CPNE8: variants seen among roughly 807,000 people sequenced by gnomAD.
CPNE8 encodes the protein copine-8.
Under a neutral mutation model 81.5 loss-of-function variants are expected in CPNE8, and 45 were observed. The ratio of observed to expected loss-of-function variants is 0.55; its 90% CI spans 0.44 to 0.71. The LOEUF is 0.71. CPNE8 is among the 30% of genes least tolerant of loss of function. The pLI is 0.00. For synonymous variants in CPNE8, 252 were observed against 226.3 expected (o/e 1.11, Z -1.02); for missense variants, 594 against 672.1 (o/e 0.88, Z 1.28).
chr12:38,877,057 G>A (rs1389434516), intron 1 of CPNE8, among the ~76,000 whole-genome samples: 3 of 152,182 alleles, frequency 2.0e-5, no homozygotes, highest in Non-Finnish European at 4.4e-5. Context: ...ACACAGCCCA[G>A]TACAGAATAA....
intron 7 of CPNE8, 39 bp downstream of exon 7, chr12:38,776,199 T>G: frequency 9.6e-7 from 1 of 1,042,992 alleles, no homozygotes; most frequent in Non-Finnish European, 1.4e-6. Flanking sequence ...GCATTTGAAG[T>G]ATGGAAGTAT....
intron 3 of CPNE8, among the ~76,000 whole-genome samples, chr12:38,852,042 C>T (rs1292788307): frequency 6.6e-6 from 1 of 152,182 alleles, no homozygotes; most frequent in East Asian, 1.9e-4. Context: ...CAGCTCTAAA[C>T]ATCAATCTGA....
At chr12:38,656,321 C>CT (rs71068570) in intron 19 of CPNE8, among the ~76,000 whole-genome samples, 3,351 of 137,504 alleles carry the variant, frequency 0.024, 254 homozygotes, top group East Asian at 0.18. Flanking sequence ...GGTCTTTAGA[C>CT]TTTTTTTTTT....
intron 6 of CPNE8, among the ~76,000 whole-genome samples, chr12:38,797,942 G>T (rs1178176453): frequency 6.6e-6 from 1 of 152,072 alleles, no homozygotes; most frequent in Non-Finnish European, 1.5e-5. Flanking sequence ...TAGAAGAAAG[G>T]GTATCAGTGA....
intron 1 of CPNE8, among the ~76,000 whole-genome samples, chr12:38,888,495 G>A (rs1944266749): frequency 6.6e-6 from 1 of 152,138 alleles, no homozygotes; most frequent in Non-Finnish European, 1.5e-5. Flanking sequence ...GAAGTACCTA[G>A]GAGTAATCTG....
intron 6 of CPNE8, among the ~76,000 whole-genome samples, chr12:38,805,650 T>A (rs1407461419): frequency 7.1e-5 from 5 of 70,880 alleles, no homozygotes; most frequent in Admixed American, 1.8e-4. Flanking sequence ...AACCTAAAAC[T>A]TAGAGTATAA....
At position 38,845,009 on chromosome 12, in the gene CPNE8, C is replaced by CA. The variant is rs552514562; in HGVS notation, c.290+3549dup. Among the ~76,000 whole-genome samples the CA allele has an allele frequency of 9.2e-3, 1,395 of 151,970 alleles. 17 individuals are homozygous for CA. The highest frequency in any genetic ancestry group is 0.038 in the South Asian group (184 of 4,800). ...AAAATGAGGTCATTTTTGTCACACCCAACTAAAACAGAATCAGGACCGATT... is the reference window on the plus strand; with the variant it reads ...AAAATGAGGTCATTTTTGTCACACCCAAACTAAAACAGAATCAGGACCGATT... On this transcript the variant is annotated intron_variant, in intron 4 of 19. Transcript: ENST00000331366.
chr12:38,736,570 A>T (rs1375024222), intron 10 of CPNE8, among the ~76,000 whole-genome samples: 1 of 151,982 alleles, frequency 6.6e-6, no homozygotes, highest in South Asian at 2.1e-4. Context: ...ATAATGTTAG[A>T]TCATTTAAAT....
intron 15 of CPNE8, among the ~76,000 whole-genome samples, chr12:38,690,450 A>AG (rs1939648592): frequency 6.6e-6 from 1 of 152,202 alleles, no homozygotes; most frequent in African/African-American, 2.4e-5. Context: ...ATTAAAGTTG[A>AG]GGCATTATCA....
chr12:38,696,170 G>A (rs955452031), intron 14 of CPNE8, among the ~76,000 whole-genome samples: 1 of 152,002 alleles, frequency 6.6e-6, no homozygotes, highest in African/African-American at 2.4e-5. Context: ...TCTCTTTCCA[G>A]CATCTTCCTC....
At chr12:38,746,486 T>A (rs992860188) in intron 10 of CPNE8, among the ~76,000 whole-genome samples, 3 of 152,162 alleles carry the variant, frequency 2.0e-5, no homozygotes, top group African/African-American at 7.2e-5. Context: ...AAATTGACAA[T>A]AACAAACAAT....
intron 13 of CPNE8, among the ~76,000 whole-genome samples, chr12:38,712,881 A>C (rs1449328298): frequency 6.6e-6 from 1 of 152,154 alleles, no homozygotes; most frequent in Non-Finnish European, 1.5e-5. Flanking sequence ...TTTTCTTCAT[A>C]TCTCTTATAA....
At chr12:38,798,670 A>G (rs1357785364) in intron 6 of CPNE8, among the ~76,000 whole-genome samples, 1 of 152,152 alleles carries the variant, frequency 6.6e-6, no homozygotes, top group East Asian at 1.9e-4. Context: ...CTAACATCAT[A>G]ATGACAGGAT....
intron 6 of CPNE8, among the ~76,000 whole-genome samples, chr12:38,808,954 T>C (rs897804893): frequency 6.6e-6 from 1 of 151,082 alleles, no homozygotes; most frequent in Admixed American, 6.7e-5. Context: ...TATGATATAT[T>C]GACAAAAATT....
intron 10 of CPNE8, among the ~76,000 whole-genome samples, chr12:38,742,301 G>A (rs554585834): frequency 4.0e-4 from 61 of 152,206 alleles, no homozygotes; most frequent in African/African-American, 1.4e-3. Context: ...ATGATAGACT[G>A]GATTAAGAAA....
intron 6 of CPNE8, among the ~76,000 whole-genome samples, chr12:38,786,194 A>C (rs1942182671): frequency 6.6e-6 from 1 of 152,224 alleles, no homozygotes; most frequent in African/African-American, 2.4e-5. Context: ...ACAAGCACAC[A>C]CTGAAAATAA....
chr12:38,849,781 T>C (rs1220680542), intron 3 of CPNE8, among the ~76,000 whole-genome samples: 2 of 151,744 alleles, frequency 1.3e-5, no homozygotes, highest in African/African-American at 4.8e-5. Context: ...TCAATAATAT[T>C]GAGAATTTAC....
chr12:38,661,897 C>CA (rs34481283), intron 19 of CPNE8, among the ~76,000 whole-genome samples: 57,551 of 134,926 alleles, frequency 0.43, 12,471 homozygotes, highest in Non-Finnish European at 0.51. Context: ...AGAATGCAAG[C>CA]AAAAAAAAAA....
chr12:38,684,017 T>C (rs530274662), intron 16 of CPNE8, among the ~76,000 whole-genome samples: 19 of 152,282 alleles, frequency 1.2e-4, no homozygotes, highest in South Asian at 4.1e-4. Flanking sequence ...TGGTAAGCAT[T>C]GATGAACACA....
Sources: allele counts gnomAD v4.1 joint callset (sites outside exome capture counted in the v4.1 genomes callset), GRCh38; gene constraint gnomAD v4.1.1; transcripts MANE v1.5; gene names NCBI Gene and HGNC (gene_info 2026-07-23, HGNC 2026-07-21).